PIP5K1B: variants seen among roughly 807,000 people sequenced by gnomAD.
PIP5K1B encodes the protein phosphatidylinositol-4-phosphate 5-kinase type 1 beta.
In PIP5K1B, 42 loss-of-function variants were observed where a neutral mutation model predicts 67.0. That is an observed-to-expected ratio of 0.63 (90% CI 0.49 to 0.81). The LOEUF is 0.81. Among genes scored for constraint, PIP5K1B ranks in the 30% least tolerant of loss-of-function variants. PIP5K1B has a pLI of 0.00. For synonymous variants in PIP5K1B, 214 were observed against 231.4 expected (o/e 0.92, Z 0.68); for missense variants, 459 against 646.3 (o/e 0.71, Z 3.14).
At chr9:68,740,792 C>G (rs1039246457) in intron 1 of PIP5K1B, among the ~76,000 whole-genome samples, 6 of 152,196 alleles carry the variant, frequency 3.9e-5, no homozygotes, top group Admixed American at 3.9e-4. Flanking sequence ...TGACTCTAGG[C>G]AACGTGATAT....
At chr9:68,913,660 C>CT (rs1032795944) in intron 8 of PIP5K1B, among the ~76,000 whole-genome samples, 43 of 152,266 alleles carry the variant, frequency 2.8e-4, no homozygotes, top group Admixed American at 2.6e-3. Context: ...AACCCAAACT[C>CT]TAACTGCAAT....
intron 14 of PIP5K1B, among the ~76,000 whole-genome samples, chr9:68,973,135 C>G (rs1277356561): frequency 6.6e-6 from 1 of 152,210 alleles, no homozygotes; most frequent in Non-Finnish European, 1.5e-5. Context: ...GACCACAAGG[C>G]AAGAACTAAA....
intron 15 of PIP5K1B, among the ~76,000 whole-genome samples, chr9:69,007,121 G>A (rs984971684): frequency 2.6e-5 from 4 of 152,346 alleles, no homozygotes; most frequent in South Asian, 2.1e-4. Context: ...TTAGGTGAAT[G>A]AGAGGGAGCG....
intron 8 of PIP5K1B, among the ~76,000 whole-genome samples, chr9:68,904,344 G>A (rs1825505841): frequency 6.6e-6 from 1 of 152,246 alleles, no homozygotes; most frequent in Non-Finnish European, 1.5e-5. Flanking sequence ...AGGGGCAGAT[G>A]CTGTAGGAGT....
intron 5 of PIP5K1B, among the ~76,000 whole-genome samples, chr9:68,865,881 C>T (rs1477957702): frequency 1.3e-5 from 2 of 152,222 alleles, no homozygotes; most frequent in Non-Finnish European, 2.9e-5. Context: ...CATGACTTTC[C>T]ACTTGAGAGA....
chr9:68,779,140 A>C (rs1370163010), intron 2 of PIP5K1B, among the ~76,000 whole-genome samples: 2 of 152,158 alleles, frequency 1.3e-5, no homozygotes, highest in Admixed American at 1.3e-4. Flanking sequence ...AAAAAAAAAA[A>C]CCTTGACTGA....
intron 1 of PIP5K1B, among the ~76,000 whole-genome samples, chr9:68,721,119 C>G (rs553206076): frequency 6.6e-6 from 1 of 152,114 alleles, no homozygotes. Flanking sequence ...GCCAGACCAT[C>G]GACATCTTGT....
intron 2 of PIP5K1B, among the ~76,000 whole-genome samples, chr9:68,745,060 T>G (rs1170209429): frequency 6.6e-6 from 1 of 152,198 alleles, no homozygotes; most frequent in African/African-American, 2.4e-5. Context: ...TGTCGTTTCC[T>G]TTGGCTTGTC....
intron 9 of PIP5K1B, 98 bp from the exon 10 acceptor site, chr9:68,919,381 G>C: frequency 8.1e-6 from 5 of 618,124 alleles, no homozygotes; most frequent in Non-Finnish European, 1.4e-5. Context: ...CTTAAAAATT[G>C]TCAATTTTTA....
At chr9:68,885,306 G>A (rs543773303) in intron 6 of PIP5K1B, among the ~76,000 whole-genome samples, 1 of 152,362 alleles carries the variant, frequency 6.6e-6, no homozygotes, top group East Asian at 1.9e-4. Flanking sequence ...GGCTGAGGTG[G>A]TAGTGGGTGG....
chr9:68,908,010 C>T (rs1372943338), intron 8 of PIP5K1B, among the ~76,000 whole-genome samples: 2 of 152,180 alleles, frequency 1.3e-5, no homozygotes, highest in Non-Finnish European at 2.9e-5. Context: ...TGGGCTGTAG[C>T]AGACAGTGGT....
chr9:68,792,519 G>A (rs765398601), intron 2 of PIP5K1B, among the ~76,000 whole-genome samples: 2 of 151,856 alleles, frequency 1.3e-5, no homozygotes, highest in South Asian at 2.1e-4. Flanking sequence ...TCGCTCTGTC[G>A]CCCAGGTTGG....
intron 1 of PIP5K1B, among the ~76,000 whole-genome samples, chr9:68,739,310 T>C (rs1288335975): frequency 6.6e-6 from 1 of 152,234 alleles, no homozygotes; most frequent in Non-Finnish European, 1.5e-5. Context: ...TCTGCTCTTA[T>C]GGGACGCAAC....
At chr9:68,988,020 T>C (rs1191538590) in intron 14 of PIP5K1B, among the ~76,000 whole-genome samples, 1 of 152,216 alleles carries the variant, frequency 6.6e-6, no homozygotes, top group Non-Finnish European at 1.5e-5. Flanking sequence ...CTGATTTCGA[T>C]AATTGTACTG....
intron 14 of PIP5K1B, among the ~76,000 whole-genome samples, chr9:68,962,635 A>G (rs1828812774): frequency 6.6e-6 from 1 of 152,158 alleles, no homozygotes. Context: ...TGAATTTGGA[A>G]CTCAGAGAAT....
intron 14 of PIP5K1B, among the ~76,000 whole-genome samples, chr9:68,953,215 A>G (rs1438985602): frequency 6.6e-6 from 1 of 151,974 alleles, no homozygotes; most frequent in Non-Finnish European, 1.5e-5. Flanking sequence ...TTCATCTCCT[A>G]ATCCTTCCAC....
chr9:68,982,943 T>C (rs1829949563), intron 14 of PIP5K1B, among the ~76,000 whole-genome samples: 1 of 152,192 alleles, frequency 6.6e-6, no homozygotes, highest in Admixed American at 6.5e-5. Flanking sequence ...TACTCCTGCA[T>C]ACAGTTTATA....
chr9:68,747,169 A>C (rs1303934025), intron 2 of PIP5K1B, among the ~76,000 whole-genome samples: 2 of 150,978 alleles, frequency 1.3e-5, no homozygotes, highest in Non-Finnish European at 2.9e-5. Flanking sequence ...ACTCCGTATA[A>C]GGCCCTGGGG....
chr9:68,993,587 C>G (rs1484908034), intron 15 of PIP5K1B, among the ~76,000 whole-genome samples: 1 of 152,074 alleles, frequency 6.6e-6, no homozygotes, highest in African/African-American at 2.4e-5. Flanking sequence ...TGTAGCAGAT[C>G]ACAAAATCCT....
Sources: allele counts gnomAD v4.1 joint callset (sites outside exome capture counted in the v4.1 genomes callset), GRCh38; gene constraint gnomAD v4.1.1; transcripts MANE v1.5; gene names NCBI Gene and HGNC (gene_info 2026-07-23, HGNC 2026-07-21).